The following SRCIN1 variants were observed in gnomAD, a reference collection of about 807,000 sequenced individuals.
SRCIN1 encodes the protein P130Cas-associated protein.
In SRCIN1, 50 loss-of-function variants were observed where a neutral mutation model predicts 116.2. The observed-to-expected ratio is 0.43, with a 90% CI of 0.34 to 0.54. SRCIN1 has a LOEUF of 0.54. Ranked by LOEUF, SRCIN1 falls within the 20% of genes least tolerant of loss-of-function variation. The probability of loss-of-function intolerance (pLI) is 0.02; values close to 1 mark genes in which losing one functional copy is unlikely to be tolerated. For missense variants in SRCIN1, 1,446 were observed against 1,672.0 expected, an observed-to-expected ratio of 0.86 and a Z score of 2.36; for synonymous variants, 736 against 750.0, an observed-to-expected ratio of 0.98 and a Z score of 0.30.
Position 38,530,362 on chromosome 17 carries a change from G to C in SRCIN1, c.*2935C>G, listed in dbSNP as rs764074491. On this transcript the variant is annotated 3_prime_UTR_variant, in exon 19 of 19. Transcript: ENST00000617146. ...GGGGAAACAGCATATTGTGGAAGGG[G>C]CAGGAAATCCCCCATGCGAGTAACA... 6.6e-6 allele frequency: 1 copy of C among 152,208 alleles called. No individual in the cohort carries two copies. The highest frequency in any genetic ancestry group is 2.4e-5 in the African/African-American group (1 of 41,426). The allele number at this position is 152,208 out of a possible 1,614,324, so 9.4% of individuals were successfully genotyped here.
chr17:38,572,446 C>T lies in SRCIN1; in HGVS notation c.325-4215G>A, dbSNP rs902672930. Among the ~76,000 whole-genome samples, 4 of 151,972 alleles carry T rather than the reference C, an allele frequency of 2.6e-5. No homozygotes were observed. Among genetic ancestry groups the T allele is most frequent in the African/African-American group, 7.3e-5 (3 of 41,360 alleles). Reference sequence around the variant, plus strand: ...GACTTTCCGACGCTGGGGGAGGGGGCGCCAGCCTGATTTTGGAGTGGGGGC... The same window carrying T: ...GACTTTCCGACGCTGGGGGAGGGGGTGCCAGCCTGATTTTGGAGTGGGGGC... On this transcript the variant is annotated intron_variant, in intron 2 of 18. Coordinates refer to ENST00000617146, the MANE Select transcript of SRCIN1 (RefSeq NM_025248.3). This position sits in a 1 kb window ranked among gnomAD's most constrained non-coding sequence, Gnocchi z 4.3.
Position 38,603,306 on chromosome 17 carries a change from C to T in SRCIN1, c.22+2378G>A, listed in dbSNP as rs568701230. Among the ~76,000 whole-genome samples, 374 of 151,980 alleles carry T rather than the reference C, an allele frequency of 2.5e-3. 4 individuals carry two copies. Among genetic ancestry groups the T allele is most frequent in the African/African-American group, 8.3e-3 (342 of 41,422 alleles). ...CCCAGTATCCTGCACATCTTTAAGA[C>T]GCCTGGAACCCAGCAGGGATGAGGC... On this transcript the variant is annotated intron_variant, in intron 1 of 18. Coordinates refer to ENST00000617146, the MANE Select transcript of SRCIN1 (RefSeq NM_025248.3).
chr17:38,578,154 GTCC>G (rs958487446), intron 2 of SRCIN1, among the ~76,000 whole-genome samples: 1 of 152,312 alleles, frequency 6.6e-6, no homozygotes, highest in Non-Finnish European at 1.5e-5. Flanking sequence ...CCCCAAGGCT[GTCC>G]TCCTCTCCTT....
At chr17:38,546,053 G>A (rs1905054684) in intron 17 of SRCIN1, among the ~76,000 whole-genome samples, 1 of 152,170 alleles carries the variant, frequency 6.6e-6, no homozygotes, top group Non-Finnish European at 1.5e-5. Flanking sequence ...CACACACTCG[G>A]GCAAAGCTCC....
Position 38,562,245 on chromosome 17 carries a change from G to A in SRCIN1, c.918C>T (p.Gly306=). ...CCGACGGCAGCCCGGGCGGCGGCGA[G>A]CCGGATGCCAGGTGCGGCGCTGGTG... ...NLSPAPHLAS[G]SPPPGLPSGL... is the part of the protein sequence containing the mutation. The change falls in exon 7 of 19, where the codon GGC becomes GGT. Residue 306 remains glycine, a synonymous_variant. Transcript: ENST00000617146. This position sits in a 1 kb window ranked among gnomAD's most constrained non-coding sequence, Gnocchi z 4.2. 1 of 1,461,808 alleles carries A rather than the reference G, an allele frequency of 6.8e-7. No homozygotes were observed. The highest frequency in any genetic ancestry group is 1.3e-5 in the South Asian group (1 of 75,438). 90.6% of individuals were successfully genotyped at this position (1,461,808 alleles called of 1,614,324 possible). A position where few individuals can be genotyped will look rare whatever the true frequency, so the allele number is the denominator to read the frequency against.
At chr17:38,580,934 CAA>C (rs775092350) in intron 1 of SRCIN1, among the ~76,000 whole-genome samples, 2 of 152,272 alleles carry the variant, frequency 1.3e-5, no homozygotes, top group Non-Finnish European at 2.9e-5. Flanking sequence ...CTCCTGGGCT[CAA>C]GAGTTCCTCC....
chr17:38,560,012 G>A, intron 9 of SRCIN1, 42 bp downstream of exon 9: 1 of 1,494,912 alleles, frequency 6.7e-7, no homozygotes, highest in Non-Finnish European at 9.1e-7. Context: ...TAGAAAACAG[G>A]CTCGGAGAGA....
chr17:38,558,526 T>C lies in SRCIN1; in HGVS notation c.2026-124A>G. 1 of 1,161,866 alleles carries C rather than the reference T, an allele frequency of 8.6e-7. No individual in the cohort carries two copies. The highest frequency in any genetic ancestry group is 1.2e-6 in the Non-Finnish European group (1 of 854,596). The allele number at this position is 1,161,866 out of a possible 1,614,324, so 72.0% of individuals were successfully genotyped here. On this transcript the variant is annotated intron_variant, in intron 10 of 18. Transcript: ENST00000617146. The surrounding 1 kb of genome is among the most constrained non-coding windows in gnomAD (Gnocchi z 4.6). ...GGCGGGGCTCTGCAGAAGAAGCGGCTGCTTGGCTCCGCCTCAGGCAGCAGC... is the reference window on the plus strand; with the variant it reads ...GGCGGGGCTCTGCAGAAGAAGCGGCCGCTTGGCTCCGCCTCAGGCAGCAGC...
chr17:38,559,984 A>T, intron 9 of SRCIN1, 70 bp downstream of exon 9: 1 of 1,404,752 alleles, frequency 7.1e-7, no homozygotes, highest in South Asian at 1.2e-5. Context: ...GCTATTGCTT[A>T]ATCCCCACTT....
At chr17:38,593,156 C>T (rs113465953) in intron 1 of SRCIN1, among the ~76,000 whole-genome samples, 2,842 of 152,030 alleles carry the variant, frequency 0.019, 97 homozygotes, top group African/African-American at 0.064. Flanking sequence ...AGCCCAGAGG[C>T]GGTTGTTGGG....
At chr17:38,566,621 G>C (rs185342580) in intron 3 of SRCIN1, among the ~76,000 whole-genome samples, 1 of 152,282 alleles carries the variant, frequency 6.6e-6, no homozygotes, top group Non-Finnish European at 1.5e-5. Flanking sequence ...GAATCACTTG[G>C]GAGCTTTTAA....
At chr17:38,564,804 C>T (rs1906575057) in intron 3 of SRCIN1, among the ~76,000 whole-genome samples, 1 of 150,466 alleles carries the variant, frequency 6.6e-6, no homozygotes, top group Non-Finnish European at 1.5e-5. Context: ...AGAGAGCTGG[C>T]ACCCCAGGAT....
At chr17:38,595,129 A>G (rs1241958765) in intron 1 of SRCIN1, among the ~76,000 whole-genome samples, 2 of 151,896 alleles carry the variant, frequency 1.3e-5, no homozygotes, top group African/African-American at 4.9e-5. Flanking sequence ...CACTTAAGCA[A>G]AGCATCCAGG....
intron 1 of SRCIN1, 105 bp from the exon 2 acceptor site, chr17:38,578,896 G>C (rs979878315): frequency 3.3e-4 from 436 of 1,319,218 alleles, no homozygotes; most frequent in Non-Finnish European, 2.3e-4. Flanking sequence ...TGGGCCTAAG[G>C]AGAGTGGAGA....
chr17:38,577,792 A>C (rs1177235904), intron 2 of SRCIN1, among the ~76,000 whole-genome samples: 3 of 152,164 alleles, frequency 2.0e-5, no homozygotes, highest in Non-Finnish European at 4.4e-5. Context: ...GGGAGGTTTA[A>C]AAAGGAACCA....
Position 38,563,484 on chromosome 17 carries a change from G to C in SRCIN1, c.579C>G (p.Arg193=). ...TGCTGACCTCGTGCGTGATGTGCAC[G>C]CGCCGAGTCTCCTCCCCGAACTGCA... The part of the protein sequence containing the change: ...LFLQFGEETR[R]VHITHEVSSL... Residue 193 remains arginine (R), a synonymous_variant, in exon 5 of 19, where the codon CGC becomes CGG. Coordinates refer to ENST00000617146, the MANE Select transcript of SRCIN1 (RefSeq NM_025248.3). The surrounding 1 kb of genome is among the most constrained non-coding windows in gnomAD (Gnocchi z 5.8). 1 of 1,554,160 alleles carries C rather than the reference G, an allele frequency of 6.4e-7. No individual in the cohort carries two copies. The highest frequency in any genetic ancestry group is 8.7e-7 in the Non-Finnish European group (1 of 1,148,578).
Position 38,559,735 on chromosome 17 carries a change from CG to C in SRCIN1, c.1874del (p.Pro625ArgfsTer62). Reference protein sequence around the residue: ...GSGGRSSGATPVSGPPPPSAS... With the variant: ...GSGGRSSGATXVSGPPPPSAS... ...CCGAGGGCGGGGGCGGGCCGGACAC[CG>C]GGGTGGCCCCGCTGCTCCGGCCGCC... On this transcript the variant is annotated frameshift_variant, in exon 10 of 19. Coordinates refer to ENST00000617146, the MANE Select transcript of SRCIN1 (RefSeq NM_025248.3). LOFTEE classifies it high-confidence loss of function. 1 of 1,547,476 alleles carries C rather than the reference CG, an allele frequency of 6.5e-7. No homozygotes were observed. Among genetic ancestry groups the C allele is most frequent in the Non-Finnish European group, 8.7e-7 (1 of 1,155,704 alleles).
In SRCIN1 at chr17:38,568,797, A is replaced by T. The variant is rs1428867068; in HGVS notation, c.325-566T>A. Reference sequence around the variant, plus strand: ...AGTGGGAGGCTGAGGCCAGATGATGAGTGGTCATAACTGCTGAGAGAAAGT... The same window carrying T: ...AGTGGGAGGCTGAGGCCAGATGATGTGTGGTCATAACTGCTGAGAGAAAGT... On this transcript the variant is annotated intron_variant, in intron 2 of 18. Coordinates refer to ENST00000617146, the MANE Select transcript of SRCIN1 (RefSeq NM_025248.3). The surrounding 1 kb of genome is among the most constrained non-coding windows in gnomAD (Gnocchi z 4.5). Among the ~76,000 whole-genome samples the T allele has an allele frequency of 6.6e-6, 1 of 152,056 alleles. No individual in the cohort carries two copies. The highest frequency in any genetic ancestry group is 1.5e-5 in the Non-Finnish European group (1 of 68,020).
Position 38,551,959 on chromosome 17 carries a change from G to A in SRCIN1, c.2654C>T (p.Pro885Leu). ...GCCTTTGGTGGGGTTGCCCCCCTTG[G>A]GGGTAAGAGAGGCTCCTTCAGCTGG... Reference protein sequence around the residue: ...SGPAEGASLTPKGGNPTKGLD... With the variant: ...SGPAEGASLTLKGGNPTKGLD... The change falls in exon 14 of 19, where the codon CCC becomes CTC. Residue 885 changes from proline to leucine, a missense_variant. By Grantham distance (98) the Pro-to-Leu change is moderately conservative. Transcript: ENST00000617146. 2 of 1,614,062 alleles carry A rather than the reference G, an allele frequency of 1.2e-6. No homozygotes were observed. Among genetic ancestry groups the A allele is most frequent in the African/African-American group, 1.3e-5 (1 of 75,058 alleles).
Sources: allele counts gnomAD v4.1 joint callset (sites outside exome capture counted in the v4.1 genomes callset), GRCh38; gene constraint gnomAD v4.1.1; non-coding constraint Gnocchi (gnomAD v3.1); transcripts MANE v1.5; gene names NCBI Gene and HGNC (gene_info 2026-07-23, HGNC 2026-07-21).